UBXN2A: variants seen among roughly 807,000 people sequenced by gnomAD.
UBXN2A encodes UBX domain-containing protein 2A.
In UBXN2A, 28 loss-of-function variants were observed where a neutral mutation model predicts 28.4. The observed-to-expected ratio is 0.99, with a 90% CI of 0.73 to 1.35. The LOEUF is 1.35. UBXN2A is among the 40% of genes most tolerant of loss of function. The pLI is 0.00. For missense variants in UBXN2A, 253 were observed against 297.9 expected (o/e 0.85, Z 1.11); for synonymous variants, 97 against 103.6 (o/e 0.94, Z 0.39).
intron 2 of UBXN2A, among the ~76,000 whole-genome samples, chr2:23,969,565 G>A (rs1171386839): frequency 3.9e-5 from 6 of 152,038 alleles, no homozygotes; most frequent in African/African-American, 7.2e-5. Flanking sequence ...GTTTCACCAC[G>A]TTGGCCAGAA....
rs1708725357 is a variant in UBXN2A, at chr2:24,001,607, A to C, written c.*1740A>C. The C allele has an allele frequency of 6.6e-6, 1 of 151,912 alleles. No homozygotes were observed. The highest frequency in any genetic ancestry group is 1.5e-5 in the Non-Finnish European group (1 of 67,974). The allele number at this position is 151,912 out of a possible 1,614,324, so 9.4% of individuals were successfully genotyped here. ...AGCAACTCTCAAACATTTTTATCTC[A>C]AGACCATTTGTTTATGTGAGCTATA... is the stretch of plus-strand genomic sequence containing the variant. On this transcript the variant is annotated 3_prime_UTR_variant, in exon 7 of 7. Coordinates refer to ENST00000309033, the MANE Select transcript of UBXN2A (RefSeq NM_181713.4).
At chr2:23,948,113 C>A (rs923427388) in intron 1 of UBXN2A, among the ~76,000 whole-genome samples, 1 of 152,076 alleles carries the variant, frequency 6.6e-6, no homozygotes, top group Admixed American at 6.5e-5. Flanking sequence ...CCTCAGCCTC[C>A]CAGAGTGCTG....
chr2:23,965,721 C>G (rs1376000821), intron 2 of UBXN2A, among the ~76,000 whole-genome samples: 2 of 152,024 alleles, frequency 1.3e-5, no homozygotes, highest in East Asian at 3.9e-4. Context: ...TAGTGTTATC[C>G]TCGTAGAATG....
intron 1 of UBXN2A, among the ~76,000 whole-genome samples, chr2:23,928,037 G>A (rs904995368): frequency 2.0e-5 from 3 of 151,840 alleles, no homozygotes; most frequent in African/African-American, 7.3e-5. Flanking sequence ...ATCGATGGGT[G>A]TTGTGGTGGG....
intron 6 of UBXN2A, among the ~76,000 whole-genome samples, chr2:23,996,621 C>T (rs1166996115): frequency 5.9e-5 from 9 of 151,308 alleles, no homozygotes; most frequent in South Asian, 4.2e-4. Context: ...GAACTACAGG[C>T]GCCTGCCACC....
intron 3 of UBXN2A, among the ~76,000 whole-genome samples, chr2:23,974,681 A>C (rs1318729273): frequency 6.6e-6 from 1 of 152,184 alleles, no homozygotes; most frequent in Non-Finnish European, 1.5e-5. Context: ...AGACTTTTAG[A>C]AAATTGCCAC....
intron 2 of UBXN2A, among the ~76,000 whole-genome samples, chr2:23,965,670 A>G (rs141558254): frequency 6.6e-4 from 101 of 152,242 alleles, no homozygotes; most frequent in African/African-American, 2.3e-3. Flanking sequence ...AATTTTCTGT[A>G]GCTTTCCTTT....
At chr2:23,932,821 G>A (rs964437205) in intron 1 of UBXN2A, among the ~76,000 whole-genome samples, 6 of 152,194 alleles carry the variant, frequency 3.9e-5, no homozygotes, top group Admixed American at 2.0e-4. Context: ...GAATCATCAT[G>A]ACAACCAGGC....
chr2:23,928,653 AT>A lies in UBXN2A; in HGVS notation c.-138+1040del, dbSNP rs1390942760. Reference sequence around the variant, plus strand: ...TGGGCAGGAGTTTATTAAACTGTTTATTAAACTAAGAAAAATTGAAAACTCA... The same window carrying A: ...TGGGCAGGAGTTTATTAAACTGTTTATAAACTAAGAAAAATTGAAAACTCA... On this transcript the variant is annotated intron_variant, in intron 1 of 7. Coordinates refer to the UBXN2A transcript ENST00000404924. Among the ~76,000 whole-genome samples the A allele has an allele frequency of 2.0e-5, 3 of 152,320 alleles. No homozygotes were observed. The East Asian group carries it at 5.8e-4, about 29-fold the overall frequency.
Position 23,999,822 on chromosome 2 carries a change from G to C in UBXN2A, c.735G>C (p.Gln245His). 6.2e-7 allele frequency: 1 copy of C among 1,613,504 alleles called. No homozygotes were observed. Among genetic ancestry groups the C allele is most frequent in the South Asian group, 1.1e-5 (1 of 90,936 alleles). Residue 245 changes from glutamine to histidine, a missense_variant, in exon 7 of 7, where the codon CAG becomes CAC. Transcript: ENST00000309033. Reference sequence around the variant, plus strand: ...ATTTACAGAATGCTGTCATCATTCAGAGACTCCAAAAAACTGCATCTTTTA... The same window carrying C: ...ATTTACAGAATGCTGTCATCATTCACAGACTCCAAAAAACTGCATCTTTTA... ...EADLQNAVIIQRLQKTASFRE... is the reference protein window; with the variant it reads ...EADLQNAVIIHRLQKTASFRE...
At chr2:23,965,287 T>G (rs1707116200) in intron 2 of UBXN2A, among the ~76,000 whole-genome samples, 1 of 152,220 alleles carries the variant, frequency 6.6e-6, no homozygotes, top group Non-Finnish European at 1.5e-5. Context: ...CATCCTTGTC[T>G]TGTTCCTGAT....
At position 23,968,531 on chromosome 2, in the gene UBXN2A, G is replaced by T. The variant is rs557487474; in HGVS notation, c.42-2745G>T. Among the ~76,000 whole-genome samples the T allele has an allele frequency of 1.3e-4, 20 of 152,040 alleles. 1 individual carries two copies. In the South Asian group the frequency reaches 4.1e-3, roughly 32 times the overall value. On this transcript the variant is annotated intron_variant, in intron 2 of 6. Transcript: ENST00000309033. ...TACTGAAAATACAAAAAATTAGCCA[G>T]GTGTGGTGGCGGGTGCCTGTAGTCC...
chr2:23,982,308 A>G (rs1707943837), intron 4 of UBXN2A, among the ~76,000 whole-genome samples: 1 of 151,752 alleles, frequency 6.6e-6, no homozygotes. Context: ...CGGAGCTTGC[A>G]GTGGGCCGAG....
At chr2:23,956,176 T>TA (rs1706614026) in intron 1 of UBXN2A, among the ~76,000 whole-genome samples, 1 of 117,384 alleles carries the variant, frequency 8.5e-6, no homozygotes, top group Non-Finnish European at 1.9e-5. Context: ...ATCTTTTTTA[T>TA]TAAAAAAAAA....
intron 1 of UBXN2A, among the ~76,000 whole-genome samples, chr2:23,951,442 A>C (rs796841618): frequency 4.8e-4 from 20 of 41,716 alleles, no homozygotes; most frequent in East Asian, 1.7e-3. Context: ...ATATATATAT[A>C]TATATATATA....
rs55665209 is a variant in UBXN2A at position 23,981,476 on chromosome 2, TAAAAA to T, written c.288-1393_288-1389del. Among the ~76,000 whole-genome samples, 41 of 28,906 alleles carry T rather than the reference TAAAAA, an allele frequency of 1.4e-3. 1 individual carries two copies. Among genetic ancestry groups the T allele is most frequent in the Non-Finnish European group, 1.8e-3 (33 of 17,876 alleles). 19.0% of individuals were successfully genotyped at this position (28,906 alleles called of 152,430 possible). ...CTGGGCAACAGAGTGAGCTCCTATC[TAAAAA>T]AAAAAAAAAAAAAAAAAAAAAAAAA... is the stretch of plus-strand genomic sequence containing the variant. On this transcript the variant is annotated intron_variant, in intron 4 of 6. Coordinates refer to ENST00000309033, the MANE Select transcript of UBXN2A (RefSeq NM_181713.4).
At chr2:23,931,997 C>T (rs996134314) in intron 1 of UBXN2A, among the ~76,000 whole-genome samples, 23 of 150,528 alleles carry the variant, frequency 1.5e-4, no homozygotes, top group Middle Eastern at 3.4e-3. Flanking sequence ...GGTGACAGAG[C>T]GAGACTCCGT....
Position 24,000,004 on chromosome 2 carries a change from G to A in UBXN2A, c.*137G>A. The stretch of plus-strand genomic sequence containing the variant: ...CTATTGAACTCTCTCCTGATGAGAA[G>A]ATGTTTAGATAAGTACAAGTTAAGA... On this transcript the variant is annotated 3_prime_UTR_variant, in exon 7 of 7. Transcript: ENST00000309033. 1.3e-6 allele frequency: 1 copy of A among 768,350 alleles called. No homozygotes were observed. Among genetic ancestry groups the A allele is most frequent in the Middle Eastern group, 3.9e-4 (1 of 2,542 alleles). 47.6% of individuals were successfully genotyped at this position (768,350 alleles called of 1,614,324 possible).
intron 6 of UBXN2A, among the ~76,000 whole-genome samples, chr2:23,991,197 ATTTC>A (rs1006075143): frequency 1.8e-4 from 28 of 152,212 alleles, no homozygotes; most frequent in African/African-American, 6.3e-4. Context: ...GGATTTGTCT[ATTTC>A]TTATTTACTT....
Sources: gnomAD v4.1 joint callset for allele counts (sites outside exome capture counted in the v4.1 genomes callset) on GRCh38, gnomAD v4.1.1 for gene constraint, MANE v1.5 for transcripts, NCBI Gene and HGNC (gene_info 2026-07-23, HGNC 2026-07-21) for gene names.